The following TMEM131 variants were observed in gnomAD, a reference collection of about 807,000 sequenced individuals.
TMEM131 encodes the protein transmembrane protein 131, also known as 2610524E03Rik.
In TMEM131, 66 loss-of-function variants were observed where a neutral mutation model predicts 211.6. The ratio of observed to expected loss-of-function variants is 0.31; its 90% CI spans 0.26 to 0.38. The LOEUF (loss-of-function observed/expected upper bound fraction) is 0.38, where lower values mean the gene tolerates loss of function less well. TMEM131 is among the 10% of genes least tolerant of loss of function. The probability of loss-of-function intolerance (pLI) is 1.00; values close to 1 mark genes in which losing one functional copy is unlikely to be tolerated. For synonymous variants in TMEM131, 844 were observed against 841.3 expected (o/e 1.00, Z -0.06); for missense variants, 2,036 against 2,299.3 (o/e 0.89, Z 2.34).
chr2:97,958,340 C>T (rs1180994603), intron 1 of TMEM131, among the ~76,000 whole-genome samples: 1 of 152,206 alleles, frequency 6.6e-6, no homozygotes, highest in East Asian at 1.9e-4. Context: ...AAAGCTCAAG[C>T]TCAGGCTGTC....
intron 35 of TMEM131, chr2:97,765,153 G>C (rs1461288558): frequency 6.6e-6 from 1 of 152,212 alleles, no homozygotes; most frequent in Non-Finnish European, 1.5e-5. Context: ...AAGGATTTAG[G>C]ATTGTATCCC....
chr2:97,854,790 G>A (rs1025995087), intron 5 of TMEM131, among the ~76,000 whole-genome samples: 2 of 152,112 alleles, frequency 1.3e-5, no homozygotes, highest in East Asian at 3.9e-4. Context: ...TGGTCCTTCC[G>A]GCTAGAATGC....
intron 31 of TMEM131, among the ~76,000 whole-genome samples, chr2:97,790,068 C>A (rs1386776664): frequency 6.6e-6 from 1 of 151,928 alleles, no homozygotes; most frequent in Non-Finnish European, 1.5e-5. Context: ...GTATGAGATA[C>A]CAGGGGGAGA....
At chr2:97,760,245 TC>T (rs888148081) in intron 38 of TMEM131, 67 of 305,256 alleles carry the variant, frequency 2.2e-4, no homozygotes, top group South Asian at 1.3e-3. Context: ...GCTCCAGATT[TC>T]CCCCCTCCCA....
intron 1 of TMEM131, among the ~76,000 whole-genome samples, chr2:97,946,783 T>C (rs910900046): frequency 1.3e-5 from 2 of 151,924 alleles, no homozygotes; most frequent in African/African-American, 4.8e-5. Flanking sequence ...ACAAAAAAAC[T>C]ACAGACCAAT....
At chr2:97,788,019 G>A (rs1680330331) in intron 31 of TMEM131, among the ~76,000 whole-genome samples, 1 of 152,116 alleles carries the variant, frequency 6.6e-6, no homozygotes, top group African/African-American at 2.4e-5. Flanking sequence ...TCTGGCTAAA[G>A]GTCCTTCCCC....
At chr2:97,852,494 G>C (rs1673665444) in intron 5 of TMEM131, among the ~76,000 whole-genome samples, 2 of 152,200 alleles carry the variant, frequency 1.3e-5, no homozygotes, top group South Asian at 4.1e-4. Flanking sequence ...GTCTAATCCA[G>C]AGCAAGGCCC....
intron 1 of TMEM131, among the ~76,000 whole-genome samples, chr2:97,952,507 G>C (rs1350048339): frequency 1.3e-5 from 2 of 152,178 alleles, no homozygotes; most frequent in African/African-American, 2.4e-5. Context: ...TTGGTGTTCA[G>C]TCTGAAACCA....
intron 1 of TMEM131, among the ~76,000 whole-genome samples, chr2:97,959,620 A>C (rs1678729552): frequency 6.6e-6 from 1 of 152,090 alleles, no homozygotes; most frequent in African/African-American, 2.4e-5. Context: ...TACAGACACC[A>C]CAACACTTCC....
intron 5 of TMEM131, among the ~76,000 whole-genome samples, chr2:97,852,576 C>A (rs549642444): frequency 1.3e-5 from 2 of 152,282 alleles, no homozygotes; most frequent in African/African-American, 4.8e-5. Context: ...TAAAAGGGAT[C>A]GATTCATGAG....
chr2:97,895,082 G>C (rs768771440), intron 3 of TMEM131, among the ~76,000 whole-genome samples: 4 of 152,124 alleles, frequency 2.6e-5, no homozygotes, highest in South Asian at 2.1e-4. Context: ...TAGCATGAAG[G>C]GGTGTTGAAT....
intron 4 of TMEM131, among the ~76,000 whole-genome samples, chr2:97,862,511 TCAGA>T (rs1237671667): frequency 6.6e-6 from 1 of 151,994 alleles, no homozygotes; most frequent in African/African-American, 2.4e-5. Flanking sequence ...AAGAATTCTA[TCAGA>T]CAAATTTAAT....
chr2:97,978,839 C>T (rs1240961363), intron 1 of TMEM131, among the ~76,000 whole-genome samples: 1 of 152,166 alleles, frequency 6.6e-6, no homozygotes, highest in Admixed American at 6.5e-5. Flanking sequence ...TTAATGGCAT[C>T]TAGAATGGCA....
At chr2:97,960,926 C>G (rs150284883) in intron 1 of TMEM131, among the ~76,000 whole-genome samples, 2 of 151,950 alleles carry the variant, frequency 1.3e-5, no homozygotes, top group Admixed American at 1.3e-4. Flanking sequence ...AAAAGAAAAA[C>G]TAGTTACTTC....
intron 1 of TMEM131, among the ~76,000 whole-genome samples, chr2:97,938,614 A>G (rs926269703): frequency 2.6e-5 from 4 of 152,218 alleles, no homozygotes; most frequent in Non-Finnish European, 5.9e-5. Flanking sequence ...CATTAGACAG[A>G]TCAATGAGAC....
chr2:97,759,083 A>C (rs1678671853), intron 39 of TMEM131, 30 bp from the exon 40 acceptor site: 4 of 1,613,796 alleles, frequency 2.5e-6, no homozygotes, highest in Non-Finnish European at 3.4e-6. Flanking sequence ...CATCAAGTCC[A>C]TATTTGGTTT....
intron 1 of TMEM131, among the ~76,000 whole-genome samples, chr2:97,959,548 T>C (rs1396924640): frequency 6.8e-6 from 1 of 146,042 alleles, no homozygotes; most frequent in African/African-American, 2.6e-5. Flanking sequence ...AAAAAATATA[T>C]ATATGTCTGC....
At chr2:97,793,040 A>T (rs77004501) in intron 30 of TMEM131, 56 bp from the exon 31 acceptor site, 1 of 1,271,134 alleles carries the variant, frequency 7.9e-7, no homozygotes, top group South Asian at 1.6e-5. Flanking sequence ...ATCTAATATT[A>T]AAAAAAAACT....
chr2:97,781,100 G>A (rs568114654), intron 31 of TMEM131, among the ~76,000 whole-genome samples: 29 of 152,298 alleles, frequency 1.9e-4, no homozygotes, highest in African/African-American at 7.0e-4. Flanking sequence ...AAGCTCTTCT[G>A]CGACATTCTC....
Sources: gnomAD v4.1 joint callset for allele counts (sites outside exome capture counted in the v4.1 genomes callset) on GRCh38, gnomAD v4.1.1 for gene constraint, MANE v1.5 for transcripts, NCBI Gene and HGNC (gene_info 2026-07-23, HGNC 2026-07-21) for gene names.